Variants in GSE1 observed in about 807,000 individuals in gnomAD.
GSE1 encodes Gse1 coiled-coil protein, also known as genetic suppressor element 1.
In GSE1, 32 loss-of-function variants were observed where a neutral mutation model predicts 112.6. The ratio of observed to expected loss-of-function variants is 0.28; its 90% confidence interval spans 0.21 to 0.38. The LOEUF (loss-of-function observed/expected upper bound fraction) is 0.38, where lower values mean the gene tolerates loss of function less well. Among genes scored for constraint, GSE1 ranks in the 10% least tolerant of loss-of-function variants. The probability of loss-of-function intolerance (pLI) is 1.00; values close to 1 mark genes in which losing one functional copy is unlikely to be tolerated. For missense variants in GSE1, 2,348 were observed against 1,699.2 expected, an observed-to-expected ratio of 1.38 and a Z score of -6.71; for synonymous variants, 1,115 against 735.6, an observed-to-expected ratio of 1.52 and a Z score of -8.35.
intron 2 of GSE1, among the ~76,000 whole-genome samples, chr16:85,485,231 C>T (rs1024293438): frequency 6.6e-6 from 1 of 152,248 alleles, no homozygotes; most frequent in Admixed American, 6.5e-5. Context: ...CACCCACTCA[C>T]GGTTTCCCGC....
intron 1 of GSE1, among the ~76,000 whole-genome samples, chr16:85,298,828 G>A (rs1286435515): frequency 3.9e-5 from 6 of 152,364 alleles, no homozygotes; most frequent in Non-Finnish European, 5.9e-5. Context: ...GGGGCACTCC[G>A]CTGCAGATGG....
chr16:85,530,898 G>A (rs190711205), intron 2 of GSE1, among the ~76,000 whole-genome samples: 414 of 152,342 alleles, frequency 2.7e-3, no homozygotes, highest in South Asian at 5.0e-3. Context: ...GAGCTGAGGC[G>A]TAGCCCCCTT....
chr16:85,513,847 C>G (rs2051828736), intron 2 of GSE1, among the ~76,000 whole-genome samples: 1 of 152,142 alleles, frequency 6.6e-6, no homozygotes, highest in South Asian at 2.1e-4. Flanking sequence ...TCAGAATCCC[C>G]CCGGGGCAGG....
At chr16:85,481,911 G>A (rs1233807268) in intron 2 of GSE1, among the ~76,000 whole-genome samples, 1 of 152,216 alleles carries the variant, frequency 6.6e-6, no homozygotes, top group African/African-American at 2.4e-5. Context: ...CCTCCAGCCG[G>A]CATCCACATT....
At chr16:85,652,002 G>T (rs1019337338) in intron 3 of GSE1, among the ~76,000 whole-genome samples, 5 of 152,228 alleles carry the variant, frequency 3.3e-5, no homozygotes, top group African/African-American at 1.2e-4. Flanking sequence ...CAGGGTAGGG[G>T]CGTGAGGCAG....
intron 1 of GSE1, among the ~76,000 whole-genome samples, chr16:85,631,625 C>T (rs1444242058): frequency 1.3e-5 from 2 of 152,244 alleles, no homozygotes; most frequent in Admixed American, 6.5e-5. Context: ...CATCTGTCCT[C>T]GCTGGCTGGC....
At chr16:85,399,754 T>G (rs1456750893) in intron 2 of GSE1, among the ~76,000 whole-genome samples, 1 of 152,256 alleles carries the variant, frequency 6.6e-6, no homozygotes, top group Non-Finnish European at 1.5e-5. Context: ...GTGCACATTC[T>G]GCTGAGTTCG....
intron 1 of GSE1, among the ~76,000 whole-genome samples, chr16:85,258,668 G>A (rs1907338858): frequency 6.6e-6 from 1 of 152,112 alleles, no homozygotes; most frequent in South Asian, 2.1e-4. Flanking sequence ...TGTCAAAGCG[G>A]TCGGGCCTGG....
chr16:85,275,621 G>T (rs9940738), intron 1 of GSE1, among the ~76,000 whole-genome samples: 1 of 152,080 alleles, frequency 6.6e-6, no homozygotes, highest in Non-Finnish European at 1.5e-5. Context: ...GGGTCCTTGG[G>T]GTCAAAGTTG....
chr16:85,318,320 C>T (rs537049704), intron 1 of GSE1, among the ~76,000 whole-genome samples: 2 of 152,188 alleles, frequency 1.3e-5, no homozygotes, highest in Admixed American at 6.5e-5. Flanking sequence ...CTATAGTGCA[C>T]TGGTGCAGCT....
rs1216584436 is a variant in GSE1, at chr16:85,518,096, G to A, written c.2465-115818G>A. Among the ~76,000 whole-genome samples, 6 of 152,248 alleles carry A rather than the reference G, an allele frequency of 3.9e-5. No individual in the cohort carries two copies. In the East Asian group the frequency reaches 7.8e-4, roughly 20 times the overall value. On this transcript the variant is annotated intron_variant, in intron 2 of 2. Coordinates refer to the GSE1 transcript ENST00000637419. Reference sequence around the variant, plus strand: ...GCGTCGGCTGGAACTGGGCACAGCCGGCCAGCGCCAGCCAGGCTATCACTG... The same window carrying A: ...GCGTCGGCTGGAACTGGGCACAGCCAGCCAGCGCCAGCCAGGCTATCACTG...
chr16:85,289,890 T>G (rs1194731612), intron 1 of GSE1, among the ~76,000 whole-genome samples: 4 of 152,188 alleles, frequency 2.6e-5, no homozygotes, highest in African/African-American at 9.7e-5. Flanking sequence ...TGGTAGAGCT[T>G]CTGAGCATGT....
chr16:85,460,009 CCTT>C (rs1567504441), intron 2 of GSE1, among the ~76,000 whole-genome samples: 1 of 152,234 alleles, frequency 6.6e-6, no homozygotes, highest in East Asian at 1.9e-4. Context: ...GTGATCCTGT[CCTT>C]CTGCTGGGGT....
intron 2 of GSE1, among the ~76,000 whole-genome samples, chr16:85,451,965 C>A (rs940023412): frequency 3.3e-5 from 5 of 152,212 alleles, no homozygotes; most frequent in East Asian, 1.9e-4. Flanking sequence ...CTGCCTGCCT[C>A]CCCCCCTCAC....
Position 85,448,222 on chromosome 16 carries a change from C to T in GSE1, c.2464+90579C>T, listed in dbSNP as rs149235866. ...AGCCTCGCTTTGTGTTCCAGCTGCC[C>T]AGGAGCTCTGGAAACATACCTGGGC... On this transcript the variant is annotated intron_variant, in intron 2 of 2. Coordinates refer to the GSE1 transcript ENST00000637419. 8.8e-3 allele frequency among the ~76,000 whole-genome samples: 1,347 copies of T among 152,280 alleles called. 21 individuals carry two copies. The highest frequency in any genetic ancestry group is 0.026 in the African/African-American group (1,071 of 41,542).
chr16:85,526,656 G>A (rs1281194044), intron 2 of GSE1, among the ~76,000 whole-genome samples: 1 of 152,180 alleles, frequency 6.6e-6, no homozygotes, highest in Non-Finnish European at 1.5e-5. Context: ...CCCACTATCA[G>A]GGATCTGGGC....
At chr16:85,528,014 G>A (rs191110041) in intron 2 of GSE1, among the ~76,000 whole-genome samples, 3 of 152,206 alleles carry the variant, frequency 2.0e-5, no homozygotes, top group African/African-American at 4.8e-5. Context: ...AGGGAGAGAC[G>A]AGGACAGCTG....
intron 1 of GSE1, 34 bp downstream of exon 1, chr16:85,613,432 C>CT: frequency 1.3e-6 from 2 of 1,523,590 alleles, no homozygotes; most frequent in Non-Finnish European, 1.8e-6. Context: ...GGACGGGGTC[C>CT]TCCCCCCTCC....
intron 2 of GSE1, among the ~76,000 whole-genome samples, chr16:85,461,818 C>T (rs931463195): frequency 6.6e-6 from 1 of 152,138 alleles, no homozygotes; most frequent in African/African-American, 2.4e-5. Flanking sequence ...CGCGGCTGGG[C>T]CCCCTCCTCA....
Sources: allele counts gnomAD v4.1 joint callset (sites outside exome capture counted in the v4.1 genomes callset), GRCh38; gene constraint gnomAD v4.1.1; transcripts MANE v1.5; gene names NCBI Gene and HGNC (gene_info 2026-07-23, HGNC 2026-07-21).